Variants in TXLNG observed in about 807,000 individuals in gnomAD.
TXLNG encodes taxilin gamma, also known as gamma-taxilin.
A neutral mutation model predicts 38.8 loss-of-function variants in TXLNG; 5 were observed. The observed-to-expected ratio is 0.13, with a 90% CI of 0.07 to 0.27. TXLNG has a LOEUF of 0.27. Among genes scored for constraint, TXLNG ranks in the 10% least tolerant of loss-of-function variants. The pLI is 1.00. For synonymous variants in TXLNG, 182 were observed against 158.2 expected (o/e 1.15, Z -1.13); for missense variants, 393 against 398.2 (o/e 0.99, Z 0.11).
At chrX:16,812,149 G>C (rs1384058426) in intron 1 of TXLNG, among the ~76,000 whole-genome samples, 1 of 89,839 alleles carries the variant, frequency 1.1e-5, no homozygotes. Flanking sequence ...GATTACAGGC[G>C]CCCGCCACCA....
intron 1 of TXLNG, among the ~76,000 whole-genome samples, chrX:16,804,483 T>C (rs1928245098): frequency 9.0e-6 from 1 of 110,851 alleles, no homozygotes; most frequent in African/African-American, 3.3e-5. Context: ...AAACCCACTC[T>C]ACCAATTTAG....
At chrX:16,808,503 G>T (rs181786308) in intron 1 of TXLNG, among the ~76,000 whole-genome samples, 1 of 111,624 alleles carries the variant, frequency 9.0e-6, no homozygotes, top group African/African-American at 3.3e-5. Flanking sequence ...AACTTAAAAG[G>T]TGAAAACACG....
intron 1 of TXLNG, among the ~76,000 whole-genome samples, chrX:16,808,686 G>T (rs1243731713): frequency 9.0e-6 from 1 of 111,338 alleles, no homozygotes; most frequent in African/African-American, 3.3e-5. Context: ...TTATTAACGT[G>T]TCCTTACCAG....
rs971619311 is a variant in TXLNG, at chrX:16,843,438, C to CCAT, written c.*1675_*1677dup. 6 of 111,587 alleles carry CCAT rather than the reference C, an allele frequency of 5.4e-5. No homozygotes were observed. Among genetic ancestry groups the CCAT allele is most frequent in the African/African-American group, 6.5e-5 (2 of 30,639 alleles). The allele number at this position is 111,587 out of a possible 1,213,427, so 9.2% of individuals were successfully genotyped here. On this transcript the variant is annotated 3_prime_UTR_variant, in exon 10 of 10. Coordinates refer to ENST00000380122, the MANE Select transcript of TXLNG (RefSeq NM_018360.3). Reference sequence around the variant, plus strand: ...ATCCACAAAGTAGATTATCTAATTACCATCAAAATGAGTCAGAAGCAAAAA... The same window carrying CCAT: ...ATCCACAAAGTAGATTATCTAATTACCATCATCAAAATGAGTCAGAAGCAAAAA...
chrX:16,794,658 A>G (rs1927818395), intron 1 of TXLNG, among the ~76,000 whole-genome samples: 1 of 111,349 alleles, frequency 9.0e-6, no homozygotes, highest in African/African-American at 3.3e-5. Context: ...GTCCATATGG[A>G]TCTAGGGAAG....
At chrX:16,821,760 G>A (rs1414819931) in intron 3 of TXLNG, among the ~76,000 whole-genome samples, 2 of 110,349 alleles carry the variant, frequency 1.8e-5, no homozygotes, top group Non-Finnish European at 3.8e-5. Context: ...GGAGGCCAAG[G>A]TGGGCGGATC....
rs182038969 is a variant in TXLNG at position 16,804,336 on chromosome X, A to C, written c.103-14238A>C. On this transcript the variant is annotated intron_variant, in intron 1 of 9. Transcript: ENST00000380122. Reference sequence around the variant, plus strand: ...TTTAACCAGTTCCCTATTGGTGGACATTTAGGTTGTTTTCTGGTTTGGTGA... The same window carrying C: ...TTTAACCAGTTCCCTATTGGTGGACCTTTAGGTTGTTTTCTGGTTTGGTGA... 4.5e-5 allele frequency among the ~76,000 whole-genome samples: 5 copies of C among 111,934 alleles called. No individual in the cohort carries two copies. The East Asian group carries it at 1.4e-3, about 31-fold the overall frequency.
intron 3 of TXLNG, among the ~76,000 whole-genome samples, chrX:16,823,914 T>C (rs1288509511): frequency 9.9e-6 from 1 of 100,683 alleles, no homozygotes; most frequent in Non-Finnish European, 2.1e-5. Context: ...TTCTGAAGTA[T>C]CTTGGCTATT....
At chrX:16,829,890 C>T (rs1198060806) in intron 5 of TXLNG, 120 bp downstream of exon 5, 11 of 644,512 alleles carry the variant, frequency 1.7e-5, no homozygotes, top group Non-Finnish European at 2.3e-5. Context: ...TAGTGGCAGT[C>T]GGTTATTTAT....
At chrX:16,821,526 C>T (rs749349441) in intron 3 of TXLNG, among the ~76,000 whole-genome samples, 8 of 112,205 alleles carry the variant, frequency 7.1e-5, no homozygotes, top group East Asian at 2.8e-4. Context: ...GGAATGGTTG[C>T]GGGAAGCTTT....
chrX:16,818,255 G>C (rs760965787), intron 1 of TXLNG, among the ~76,000 whole-genome samples: 1 of 111,135 alleles, frequency 9.0e-6, no homozygotes, highest in Non-Finnish European at 1.9e-5. Flanking sequence ...CATTAACTGG[G>C]GACAGTTTCA....
rs1209325198 is a variant in TXLNG at position 16,841,435 on chromosome X, TC to T, written c.1258del (p.Arg420ValfsTer10). On this transcript the variant is annotated frameshift_variant, in exon 10 of 10. Coordinates refer to ENST00000380122, the MANE Select transcript of TXLNG (RefSeq NM_018360.3). LOFTEE classifies it low-confidence loss of function (END_TRUNC). Reference protein sequence around the residue: ...ALLQMAEEKTVRDKEYKALQI... With the variant: ...ALLQMAEEKTXRDKEYKALQI... ...TCCTCTTTTTTCTTACAGAAAACAG[TC>T]CGTGATAAAGAGTACAAGGCCCTTC... 1 of 1,192,309 alleles carries T rather than the reference TC, an allele frequency of 8.4e-7. No individual in the cohort carries two copies. The highest frequency in any genetic ancestry group is 1.1e-6 in the Non-Finnish European group (1 of 886,207).
chrX:16,805,819 TG>T (rs1928314018), intron 1 of TXLNG, among the ~76,000 whole-genome samples: 1 of 112,619 alleles, frequency 8.9e-6, no homozygotes, highest in East Asian at 2.8e-4. Flanking sequence ...ATAGGCATAT[TG>T]TAGAGACATG....
intron 1 of TXLNG, among the ~76,000 whole-genome samples, chrX:16,792,805 A>G (rs1927749055): frequency 9.1e-6 from 1 of 109,597 alleles, no homozygotes; most frequent in Non-Finnish European, 1.9e-5. Flanking sequence ...TAATAAAAAT[A>G]AAAAGTATAG....
chrX:16,827,318 A>G lies in TXLNG; in HGVS notation c.499-776A>G, dbSNP rs777582260. 2.4e-3 allele frequency among the ~76,000 whole-genome samples: 269 copies of G among 112,266 alleles called. 1 individual carries two copies. The highest frequency in any genetic ancestry group is 8.0e-3 in the African/African-American group (247 of 30,972). Reference sequence around the variant, plus strand: ...TTGCCAGGTAGGAAATGATCTAGACAGACATTCACCCAGCAAACAGCAATT... The same window carrying G: ...TTGCCAGGTAGGAAATGATCTAGACGGACATTCACCCAGCAAACAGCAATT... On this transcript the variant is annotated intron_variant, in intron 3 of 9. Coordinates refer to ENST00000380122, the MANE Select transcript of TXLNG (RefSeq NM_018360.3).
chrX:16,818,171 G>C (rs1389890122), intron 1 of TXLNG, among the ~76,000 whole-genome samples: 5 of 110,890 alleles, frequency 4.5e-5, no homozygotes, highest in Admixed American at 9.6e-5. Context: ...GGGAGCATGG[G>C]GTTTTGATGG....
chrX:16,806,019 A>T (rs1042679954), intron 1 of TXLNG, among the ~76,000 whole-genome samples: 3 of 112,671 alleles, frequency 2.7e-5, no homozygotes, highest in African/African-American at 9.7e-5. Flanking sequence ...GAGATAAATG[A>T]TTGATAAAGC....
intron 1 of TXLNG, among the ~76,000 whole-genome samples, chrX:16,806,380 C>G (rs994905116): frequency 6.2e-5 from 7 of 112,645 alleles, no homozygotes; most frequent in Admixed American, 2.8e-4. Flanking sequence ...CATGGTTGCA[C>G]ATACACTGTT....
intron 1 of TXLNG, among the ~76,000 whole-genome samples, chrX:16,794,609 A>G (rs903969071): frequency 8.9e-6 from 1 of 112,033 alleles, no homozygotes; most frequent in Non-Finnish European, 1.9e-5. Flanking sequence ...TAAGACAAAT[A>G]AAAAGAAGGC....
Sources: allele counts gnomAD v4.1 joint callset (sites outside exome capture counted in the v4.1 genomes callset), GRCh38; gene constraint gnomAD v4.1.1; transcripts MANE v1.5; gene names NCBI Gene and HGNC (gene_info 2026-07-23, HGNC 2026-07-21).